CPA5: variants seen among roughly 807,000 people sequenced by gnomAD.
CPA5 encodes carboxypeptidase A5, also known as testicular tissue protein Li 32.
Under a neutral mutation model 52.2 loss-of-function variants are expected in CPA5, and 38 were observed. That is an observed-to-expected ratio of 0.73 (90% CI 0.56 to 0.95). CPA5 has a LOEUF of 0.95. Among genes scored for constraint, CPA5 ranks in the 40% least tolerant of loss-of-function variants. The pLI, the probability that CPA5 is intolerant of heterozygous loss-of-function variation, is 0.00. For missense variants in CPA5, 519 were observed against 566.7 expected, an observed-to-expected ratio of 0.92 and a Z score of 0.86; for synonymous variants, 198 against 213.7, an observed-to-expected ratio of 0.93 and a Z score of 0.64.
chr7:130,355,152 G>T (rs1554404899), intron 5 of CPA5, among the ~76,000 whole-genome samples: 1 of 152,070 alleles, frequency 6.6e-6, no homozygotes, highest in Non-Finnish European at 1.5e-5. Flanking sequence ...CATTAATGGG[G>T]GCTTTCTGCC....
chr7:130,354,671 C>T (rs967251554), intron 5 of CPA5, among the ~76,000 whole-genome samples: 6 of 152,166 alleles, frequency 3.9e-5, no homozygotes, highest in African/African-American at 1.4e-4. Flanking sequence ...GCCTCAGCCT[C>T]CCAAAGTGCA....
At chr7:130,347,063 C>T (rs1158346775) in intron 3 of CPA5, among the ~76,000 whole-genome samples, 3 of 152,160 alleles carry the variant, frequency 2.0e-5, no homozygotes, top group African/African-American at 7.2e-5. Flanking sequence ...TGAGCCTCTC[C>T]AAGGTCCACA....
At chr7:130,357,857 T>G (rs1482288979) in intron 5 of CPA5, among the ~76,000 whole-genome samples, 1 of 152,168 alleles carries the variant, frequency 6.6e-6, no homozygotes, top group Non-Finnish European at 1.5e-5. Flanking sequence ...ATGGAGTTTT[T>G]AGCTGTTGTT....
At chr7:130,369,341 A>G (rs1796264026), downstream of CPA5, among the ~76,000 whole-genome samples, 2 of 152,302 alleles carry the variant, frequency 1.3e-5, no homozygotes, top group Middle Eastern at 3.4e-3. Flanking sequence ...ACTTCCCCTA[A>G]GAGAGTTAAA....
chr7:130,367,796 C>A, intron 11 of CPA5, 110 bp from the exon 12 acceptor site: 2 of 1,013,432 alleles, frequency 2.0e-6, no homozygotes, highest in Non-Finnish European at 3.1e-6. Context: ...TCTCCACCTT[C>A]AACTTCCAGG....
intron 8 of CPA5, 28 bp downstream of exon 8, chr7:130,362,567 AC>A: frequency 6.5e-7 from 1 of 1,527,836 alleles, no homozygotes; most frequent in Non-Finnish European, 9.1e-7. Flanking sequence ...GCCAAGGTGC[AC>A]CCACGATGGG....
intron 6 of CPA5, among the ~76,000 whole-genome samples, chr7:130,360,375 G>C (rs1795729285): frequency 6.6e-6 from 1 of 152,228 alleles, no homozygotes; most frequent in Non-Finnish European, 1.5e-5. Context: ...TAAAAGGGAG[G>C]TGCCTTCACT....
chr7:130,361,033 C>A, intron 6 of CPA5, 110 bp from the exon 7 acceptor site: 1 of 714,400 alleles, frequency 1.4e-6, no homozygotes, highest in Non-Finnish European at 2.5e-6. Flanking sequence ...GGTCTAAATA[C>A]CCAAAGCATT....
chr7:130,363,032 C>A, intron 9 of CPA5, 38 bp downstream of exon 9: 1 of 1,263,754 alleles, frequency 7.9e-7, no homozygotes, highest in Non-Finnish European at 1.2e-6. Flanking sequence ...AGGGGGTCAG[C>A]TCTAGGGGGA....
intron 3 of CPA5, 104 bp downstream of exon 3, chr7:130,346,705 G>A: frequency 1.1e-6 from 1 of 876,554 alleles, no homozygotes; most frequent in East Asian, 2.5e-5. Flanking sequence ...AAGGCGGAGA[G>A]TCAGGATGTG....
intron 7 of CPA5, 62 bp downstream of exon 7, chr7:130,361,306 C>T: frequency 8.5e-7 from 1 of 1,174,702 alleles, no homozygotes; most frequent in Non-Finnish European, 1.3e-6. Flanking sequence ...TAAGATTGAT[C>T]TCATATGGGG....
intron 4 of CPA5, among the ~76,000 whole-genome samples, chr7:130,349,048 C>T (rs1332686415): frequency 1.3e-5 from 2 of 152,166 alleles, no homozygotes; most frequent in African/African-American, 2.4e-5. Context: ...TTAATAATGG[C>T]CCCAAAGCGC....
chr7:130,352,953 A>G (rs573793847), intron 5 of CPA5, among the ~76,000 whole-genome samples: 1 of 151,760 alleles, frequency 6.6e-6, no homozygotes, highest in East Asian at 1.9e-4. Flanking sequence ...ATAAATATTC[A>G]TGTTAGATAA....
At chr7:130,350,228 G>T in intron 5 of CPA5, 119 bp downstream of exon 5, 1 of 1,108,792 alleles carries the variant, frequency 9.0e-7, no homozygotes, top group Admixed American at 2.3e-5. Context: ...CTCCATCAGC[G>T]TGTTTGTGAA....
At chr7:130,369,811 C>G (rs181435566), downstream of CPA5, among the ~76,000 whole-genome samples, 2 of 152,280 alleles carry the variant, frequency 1.3e-5, no homozygotes, top group East Asian at 3.9e-4. Context: ...ATCACAGACT[C>G]CACTGTGTAA....
At position 130,345,503 on chromosome 7, in the gene CPA5, C is replaced by G. The variant is rs1353442370; in HGVS notation, c.-152+298C>G. The G allele has an allele frequency of 3.9e-5, 6 of 152,246 alleles. 1 individual carries two copies. Among genetic ancestry groups the G allele is most frequent in the Admixed American group, 2.0e-4 (3 of 15,288 alleles). The allele number at this position is 152,246 out of a possible 1,614,324, so 9.4% of individuals were successfully genotyped here. On this transcript the variant is annotated intron_variant, in intron 1 of 12. Coordinates refer to ENST00000474905, the MANE Select transcript of CPA5 (RefSeq NM_080385.5). Reference sequence around the variant, plus strand: ...TTTGTGTGCTGGCCCCTGCTTTACTCCTGCTATTCCCAAACTATAAAGGGA... The same window carrying G: ...TTTGTGTGCTGGCCCCTGCTTTACTGCTGCTATTCCCAAACTATAAAGGGA...
chr7:130,347,725 C>T, intron 3 of CPA5, 41 bp from the exon 4 acceptor site: 1 of 1,550,488 alleles, frequency 6.4e-7, no homozygotes, highest in African/African-American at 1.4e-5. Context: ...TCCAGGGATC[C>T]TTCTCCGCAG....
intron 5 of CPA5, among the ~76,000 whole-genome samples, chr7:130,356,285 T>A (rs939981321): frequency 3.3e-5 from 5 of 152,200 alleles, no homozygotes; most frequent in Admixed American, 2.0e-4. Context: ...AGGGCCCCCA[T>A]CCTTCCTTGA....
chr7:130,353,840 A>G (rs781897100), intron 5 of CPA5, among the ~76,000 whole-genome samples: 1 of 152,210 alleles, frequency 6.6e-6, no homozygotes, highest in Non-Finnish European at 1.5e-5. Context: ...TGCAAATTCA[A>G]GCATGTTGTT....
Sources: allele counts gnomAD v4.1 joint callset (sites outside exome capture counted in the v4.1 genomes callset), GRCh38; gene constraint gnomAD v4.1.1; transcripts MANE v1.5; gene names NCBI Gene and HGNC (gene_info 2026-07-23, HGNC 2026-07-21).